SPAG6: variants seen among roughly 807,000 people sequenced by gnomAD.
SPAG6 encodes the protein sperm-associated antigen 6.
SPAG6 carries 49 observed loss-of-function variants against 58.5 expected under a neutral mutation model. The ratio of observed to expected loss-of-function variants is 0.84; its 90% CI spans 0.67 to 1.06. The LOEUF (loss-of-function observed/expected upper bound fraction) is 1.06, where lower values mean the gene tolerates loss of function less well. Ranked by LOEUF, SPAG6 falls within the 50% of genes least tolerant of loss-of-function variation. The pLI, the probability that SPAG6 is intolerant of heterozygous loss-of-function variation, is 0.00. For missense variants in SPAG6, 560 were observed against 611.3 expected (o/e 0.92, Z 0.89); for synonymous variants, 233 against 225.6 (o/e 1.03, Z -0.29).
chr10:22,380,852 G>A (rs1469205438), intron 4 of SPAG6, among the ~76,000 whole-genome samples: 2 of 152,048 alleles, frequency 1.3e-5, no homozygotes, highest in Non-Finnish European at 2.9e-5. Context: ...AAAGTTTAAA[G>A]AGATTAAGTT....
intron 9 of SPAG6, among the ~76,000 whole-genome samples, chr10:22,407,729 A>ATT (rs1302661365): frequency 3.3e-5 from 5 of 151,872 alleles, no homozygotes; most frequent in Non-Finnish European, 5.9e-5. Flanking sequence ...ATCCTGCAGA[A>ATT]TGTTTTCCAA....
chr10:22,390,260 A>G (rs1395275142), intron 7 of SPAG6, among the ~76,000 whole-genome samples: 2 of 152,166 alleles, frequency 1.3e-5, no homozygotes, highest in African/African-American at 2.4e-5. Context: ...TAAGGATGTT[A>G]CTAGGTTTTT....
intron 9 of SPAG6, among the ~76,000 whole-genome samples, chr10:22,410,475 T>G (rs1834702963): frequency 6.6e-6 from 1 of 152,088 alleles, no homozygotes; most frequent in Non-Finnish European, 1.5e-5. Flanking sequence ...CAGAGAAGGA[T>G]TCTTAAAGGA....
chr10:22,360,221 G>C (rs1483954874), intron 2 of SPAG6, among the ~76,000 whole-genome samples: 1 of 151,642 alleles, frequency 6.6e-6, no homozygotes, highest in Non-Finnish European at 1.5e-5. Context: ...TGCTTGCTAT[G>C]TGGTTAACCC....
At chr10:22,358,272 C>T (rs1836926640) in intron 2 of SPAG6, among the ~76,000 whole-genome samples, 2 of 152,140 alleles carry the variant, frequency 1.3e-5, no homozygotes, top group Non-Finnish European at 2.9e-5. Flanking sequence ...TTAATGATCG[C>T]CATTCTAACT....
Position 22,358,425 on chromosome 10 carries a change from TG to T in SPAG6, c.122-6424del, listed in dbSNP as rs1836932171. Among the ~76,000 whole-genome samples, 5 of 152,148 alleles carry T rather than the reference TG, an allele frequency of 3.3e-5. No individual in the cohort carries two copies. In the South Asian group the frequency reaches 8.3e-4, roughly 25 times the overall value. Reference sequence around the variant, plus strand: ...TTCATATCCTTCGCCCACTTTTTGATGGGGTTGTTTTTTTCTTGTAAATTTG... The same window carrying T: ...TTCATATCCTTCGCCCACTTTTTGATGGGTTGTTTTTTTCTTGTAAATTTG... On this transcript the variant is annotated intron_variant, in intron 2 of 10. Transcript: ENST00000376624.
Position 22,388,515 on chromosome 10 carries a change from A to G in SPAG6, c.852+519A>G, listed in dbSNP as rs529457804. On this transcript the variant is annotated intron_variant, in intron 6 of 10. Coordinates refer to ENST00000376624, the MANE Select transcript of SPAG6 (RefSeq NM_012443.4). ...TCCCCTGGCCTACTGTGACCACTCC[A>G]GTAGCTGCTCTTACATGGTGATTTC... 7.9e-5 allele frequency among the ~76,000 whole-genome samples: 12 copies of G among 152,318 alleles called. No homozygotes were observed. In the East Asian group the frequency reaches 2.3e-3, roughly 29 times the overall value.
chr10:22,387,219 A>G (rs1162019957), intron 5 of SPAG6, among the ~76,000 whole-genome samples: 4 of 152,202 alleles, frequency 2.6e-5, no homozygotes, highest in African/African-American at 9.6e-5. Context: ...AGAATCACAT[A>G]ATAATTAAAT....
intron 9 of SPAG6, among the ~76,000 whole-genome samples, chr10:22,401,573 T>C (rs972358052): frequency 1.2e-4 from 18 of 152,218 alleles, no homozygotes; most frequent in Non-Finnish European, 2.1e-4. Flanking sequence ...GTAATCTTTC[T>C]AGTGTCTTTC....
At chr10:22,365,363 T>C (rs1246883507) in intron 3 of SPAG6, among the ~76,000 whole-genome samples, 2 of 152,194 alleles carry the variant, frequency 1.3e-5, no homozygotes, top group Non-Finnish European at 2.9e-5. Context: ...AGTCCTTATA[T>C]GCTGGTGAAA....
At chr10:22,378,992 G>T (rs1833887862) in intron 4 of SPAG6, among the ~76,000 whole-genome samples, 1 of 152,094 alleles carries the variant, frequency 6.6e-6, no homozygotes, top group African/African-American at 2.4e-5. Flanking sequence ...TAACCCTTAA[G>T]CTCTCAAACA....
chr10:22,384,277 G>A (rs1413786612), intron 4 of SPAG6, among the ~76,000 whole-genome samples: 1 of 152,200 alleles, frequency 6.6e-6, no homozygotes, highest in African/African-American at 2.4e-5. Context: ...TTATTACAGA[G>A]CTTTCACAGT....
At chr10:22,414,094 G>A (rs1399192026) in intron 10 of SPAG6, among the ~76,000 whole-genome samples, 1 of 152,126 alleles carries the variant, frequency 6.6e-6, no homozygotes, top group East Asian at 1.9e-4. Context: ...ACAGCCATAA[G>A]GTGTTTTTGA....
chr10:22,410,938 T>C, intron 9 of SPAG6, 93 bp from the exon 10 acceptor site: 2 of 1,332,136 alleles, frequency 1.5e-6, no homozygotes, highest in African/African-American at 1.5e-5. Context: ...ATAAATTCTC[T>C]TTTACATTTT....
Position 22,360,008 on chromosome 10 carries a change from T to C in SPAG6, c.122-4845T>C, listed in dbSNP as rs193054149. 2.0e-5 allele frequency among the ~76,000 whole-genome samples: 3 copies of C among 152,330 alleles called. No homozygotes were observed. In the East Asian group the frequency reaches 5.8e-4, roughly 29 times the overall value. On this transcript the variant is annotated intron_variant, in intron 2 of 10. Coordinates refer to ENST00000376624, the MANE Select transcript of SPAG6 (RefSeq NM_012443.4). ...AGAATGAATGAGGTGTTTTTTGTCATTGGAAAAACTTGACATTTTCTTCCT... is the reference window on the plus strand; with the variant it reads ...AGAATGAATGAGGTGTTTTTTGTCACTGGAAAAACTTGACATTTTCTTCCT...
chr10:22,388,099 T>C, intron 6 of SPAG6, 103 bp downstream of exon 6: 1 of 913,224 alleles, frequency 1.1e-6, no homozygotes, highest in Non-Finnish European at 1.6e-6. Context: ...GCACATGATC[T>C]AGTTGAGTCA....
chr10:22,368,003 A>G (rs1837245636), intron 3 of SPAG6, among the ~76,000 whole-genome samples: 1 of 152,180 alleles, frequency 6.6e-6, no homozygotes, highest in Admixed American at 6.5e-5. Flanking sequence ...TTGTTACTTC[A>G]GAATAATTTA....
intron 8 of SPAG6, among the ~76,000 whole-genome samples, chr10:22,397,779 A>G (rs1316605756): frequency 6.6e-6 from 1 of 152,176 alleles, no homozygotes; most frequent in African/African-American, 2.4e-5. Context: ...ATAAATTATG[A>G]GACATTCCAT....
At chr10:22,382,544 ATAT>A in intron 4 of SPAG6, among the ~76,000 whole-genome samples, 1 of 152,264 alleles carries the variant, frequency 6.6e-6, no homozygotes, top group African/African-American at 2.4e-5. Flanking sequence ...TTTCTAGTAT[ATAT>A]TATTAATTCT....
Sources: allele counts gnomAD v4.1 joint callset (sites outside exome capture counted in the v4.1 genomes callset), GRCh38; gene constraint gnomAD v4.1.1; transcripts MANE v1.5; gene names NCBI Gene and HGNC (gene_info 2026-07-23, HGNC 2026-07-21).